KATNIP: variants seen among roughly 807,000 people sequenced by gnomAD.
The protein encoded by KATNIP is katanin-interacting protein.
In KATNIP, 126 loss-of-function variants were observed where a neutral mutation model predicts 174.0. That is an observed-to-expected ratio of 0.72 (90% CI 0.63 to 0.84). The LOEUF (loss-of-function observed/expected upper bound fraction) is 0.84. Among genes scored for constraint, KATNIP ranks in the 40% least tolerant of loss-of-function variants. KATNIP has a pLI of 0.00. For missense variants in KATNIP, 1,958 were observed against 2,109.7 expected (o/e 0.93, Z 1.41); for synonymous variants, 810 against 835.7 (o/e 0.97, Z 0.53).
intron 3 of KATNIP, among the ~76,000 whole-genome samples, chr16:27,619,733 T>C: frequency 6.6e-6 from 1 of 152,166 alleles, no homozygotes; most frequent in East Asian, 1.9e-4. Flanking sequence ...ACCTACCTAC[T>C]GAGGCAGCAC....
chr16:27,582,589 G>T (rs1418433437), intron 2 of KATNIP, among the ~76,000 whole-genome samples: 2 of 152,178 alleles, frequency 1.3e-5, no homozygotes, highest in African/African-American at 2.4e-5. Context: ...CACAGGGCAG[G>T]ATTAGAAGCA....
chr16:27,766,248 A>G, intron 19 of KATNIP, 61 bp from the exon 20 acceptor site: 1 of 1,581,084 alleles, frequency 6.3e-7, no homozygotes, highest in Non-Finnish European at 8.6e-7. Context: ...TGGGGGCCCC[A>G]CTGTGATGCC....
intron 8 of KATNIP, among the ~76,000 whole-genome samples, chr16:27,691,054 T>G (rs1175123464): frequency 6.6e-6 from 1 of 152,184 alleles, no homozygotes; most frequent in Non-Finnish European, 1.5e-5. Context: ...ATGATTGCTA[T>G]AATAGACCCT....
At chr16:27,596,120 C>T (rs142312306) in intron 2 of KATNIP, among the ~76,000 whole-genome samples, 13 of 151,874 alleles carry the variant, frequency 8.6e-5, no homozygotes, top group Non-Finnish European at 1.0e-4. Context: ...TTTAACAGGA[C>T]GCATTCCCTG....
chr16:27,640,222 C>G (rs1044374802), intron 5 of KATNIP, among the ~76,000 whole-genome samples: 15 of 152,230 alleles, frequency 9.9e-5, no homozygotes, highest in African/African-American at 3.6e-4. Context: ...ATGATTGATA[C>G]TGCAAGGGTC....
chr16:27,618,604 C>A, intron 3 of KATNIP, 103 bp downstream of exon 3: 1 of 749,050 alleles, frequency 1.3e-6, no homozygotes, highest in Non-Finnish European at 2.4e-6. Context: ...GAATGGGATG[C>A]AGAGTCCCCC....
At chr16:27,577,313 G>A (rs1330492767) in intron 2 of KATNIP, among the ~76,000 whole-genome samples, 2 of 152,146 alleles carry the variant, frequency 1.3e-5, no homozygotes, top group Non-Finnish European at 2.9e-5. Flanking sequence ...AGACTGAGGC[G>A]AGAAGATTGC....
chr16:27,637,885 G>A lies in KATNIP; in HGVS notation c.408+6723G>A, dbSNP rs2076681174. Among the ~76,000 whole-genome samples the A allele has an allele frequency of 6.6e-6, 1 of 152,092 alleles. No homozygotes were observed. The highest frequency in any genetic ancestry group is 6.6e-5 in the Admixed American group (1 of 15,266). On this transcript the variant is annotated intron_variant, in intron 5 of 27. Transcript: ENST00000261588. The surrounding 1 kb of genome is among the most constrained non-coding windows in gnomAD (Gnocchi z 4.7). Reference sequence around the variant, plus strand: ...AGAAAGGACCGCCCATGGGAGCAAGGGGCTACAGGAGGACCAGGAAGCCTT... The same window carrying A: ...AGAAAGGACCGCCCATGGGAGCAAGAGGCTACAGGAGGACCAGGAAGCCTT...
intron 13 of KATNIP, among the ~76,000 whole-genome samples, chr16:27,718,063 G>T (rs1249275876): frequency 6.6e-6 from 1 of 152,152 alleles, no homozygotes; most frequent in Non-Finnish European, 1.5e-5. Flanking sequence ...CTTACATGTG[G>T]ATCCTTGCCT....
At chr16:27,753,940 C>T (rs1351049093) in intron 17 of KATNIP, among the ~76,000 whole-genome samples, 8 of 152,250 alleles carry the variant, frequency 5.3e-5, no homozygotes, top group Non-Finnish European at 1.0e-4. Context: ...TAGCATCAGG[C>T]TCCTCCCCAG....
intron 18 of KATNIP, among the ~76,000 whole-genome samples, chr16:27,758,384 A>G (rs2081816107): frequency 6.6e-6 from 1 of 152,050 alleles, no homozygotes; most frequent in South Asian, 2.1e-4. Context: ...TGTCCCCTTC[A>G]ACCCTATTTT....
chr16:27,602,128 T>C lies in KATNIP; in HGVS notation c.64-16297T>C, dbSNP rs961231866. Among the ~76,000 whole-genome samples, 12 of 152,272 alleles carry C rather than the reference T, an allele frequency of 7.9e-5. No individual in the cohort carries two copies. The East Asian group carries it at 2.3e-3, about 30-fold the overall frequency. On this transcript the variant is annotated intron_variant, in intron 2 of 27. Coordinates refer to ENST00000261588, the MANE Select transcript of KATNIP (RefSeq NM_015202.5). ...CTTCTCAATTATTAGAGGCTGTTTATGCTGCCCCAGGCCTGAGCCCCCTCC... is the reference window on the plus strand; with the variant it reads ...CTTCTCAATTATTAGAGGCTGTTTACGCTGCCCCAGGCCTGAGCCCCCTCC...
intron 5 of KATNIP, among the ~76,000 whole-genome samples, chr16:27,646,459 C>T (rs1373554475): frequency 6.6e-6 from 1 of 152,208 alleles, no homozygotes; most frequent in Admixed American, 6.5e-5. Context: ...TTGGCCAGGC[C>T]TGCCTCAAAT....
chr16:27,624,206 T>C (rs1480590785), intron 3 of KATNIP, among the ~76,000 whole-genome samples: 1 of 152,156 alleles, frequency 6.6e-6, no homozygotes, highest in African/African-American at 2.4e-5. Flanking sequence ...TGAAACTTTG[T>C]GTTCAAAGGG....
chr16:27,767,216 C>A (rs940890793), intron 20 of KATNIP, among the ~76,000 whole-genome samples: 2 of 152,164 alleles, frequency 1.3e-5, no homozygotes, highest in African/African-American at 4.8e-5. Context: ...AGCTTGGACC[C>A]AACCAGCTGC....
chr16:27,725,027 C>A (rs2080389041), intron 14 of KATNIP, among the ~76,000 whole-genome samples: 1 of 152,006 alleles, frequency 6.6e-6, no homozygotes, highest in Admixed American at 6.6e-5. Context: ...GTCAGCTGGG[C>A]CAGAGGAGAG....
At chr16:27,713,680 ATG>A (rs1380984067) in intron 13 of KATNIP, among the ~76,000 whole-genome samples, 1 of 147,896 alleles carries the variant, frequency 6.8e-6, no homozygotes, top group Non-Finnish European at 1.5e-5. Flanking sequence ...TATTATATAT[ATG>A]TGTGTGTATA....
intron 19 of KATNIP, among the ~76,000 whole-genome samples, chr16:27,761,956 C>T (rs1357051926): frequency 1.3e-5 from 2 of 152,224 alleles, no homozygotes; most frequent in Non-Finnish European, 2.9e-5. Flanking sequence ...ATGAATGACC[C>T]AGGCCTCCCG....
intron 6 of KATNIP, among the ~76,000 whole-genome samples, chr16:27,652,849 G>A (rs1597068054): frequency 6.6e-6 from 1 of 151,562 alleles, no homozygotes. Context: ...GATGTATCAG[G>A]AATGAAACAA....
Sources: allele counts gnomAD v4.1 joint callset (sites outside exome capture counted in the v4.1 genomes callset), GRCh38; gene constraint gnomAD v4.1.1; non-coding constraint Gnocchi (gnomAD v3.1); transcripts MANE v1.5; gene names NCBI Gene and HGNC (gene_info 2026-07-23, HGNC 2026-07-21).